The following RRP1B variants were observed in gnomAD, a reference collection of about 807,000 sequenced individuals.
RRP1B encodes the protein ribosomal RNA processing 1B, also known as ribosomal RNA processing protein 1 homolog B.
Under a neutral mutation model 80.2 loss-of-function variants are expected in RRP1B, and 56 were observed. The observed-to-expected ratio is 0.70, with a 90% CI of 0.56 to 0.87. The LOEUF (loss-of-function observed/expected upper bound fraction) is 0.87. Among genes scored for constraint, RRP1B ranks in the 40% least tolerant of loss-of-function variants. RRP1B has a pLI of 0.00. For missense variants in RRP1B, 807 were observed against 939.8 expected (o/e 0.86, Z 1.85); for synonymous variants, 351 against 357.6 (o/e 0.98, Z 0.21).
At chr21:43,667,426 T>G (rs999920177) in intron 1 of RRP1B, among the ~76,000 whole-genome samples, 3 of 152,104 alleles carry the variant, frequency 2.0e-5, no homozygotes, top group Non-Finnish European at 4.4e-5. Flanking sequence ...TGTGTGTGTG[T>G]GTGTTTAAGA....
Position 43,688,055 on chromosome 21 carries a change from C to A in RRP1B, c.1681C>A (p.His561Asn). 1.2e-5 allele frequency: 20 copies of A among 1,612,508 alleles called. No individual in the cohort carries two copies. Among genetic ancestry groups the A allele is most frequent in the Non-Finnish European group, 1.7e-5 (20 of 1,179,566 alleles). Residue 561 changes from histidine to asparagine, a missense_variant, in exon 13 of 16, where the codon CAC becomes AAC. Transcript: ENST00000340648. Reference sequence around the variant, plus strand: ...AGGCCCCGCAGAGGGGGCGAACAGCCACACCACGCTGCCCCAGCGCAGGAG... The same window carrying A: ...AGGCCCCGCAGAGGGGGCGAACAGCAACACCACGCTGCCCCAGCGCAGGAG... ...PTGPAEGANS[H>N]TTLPQRRRLQ...
rs532710277 is a variant in RRP1B at position 43,687,846 on chromosome 21, T to C, written c.1472T>C (p.Val491Ala). The change falls in exon 13 of 16, where the codon GTG becomes GCG. Residue 491 changes from valine (V) to alanine (A), a missense_variant. Transcript: ENST00000340648. ...CACAGGGAAATGTTGGAATCAGCAGTGTTGCCCCCAGAGGACATGTCTCAG... is the reference window on the plus strand; with the variant it reads ...CACAGGGAAATGTTGGAATCAGCAGCGTTGCCCCCAGAGGACATGTCTCAG... Reference protein sequence around the residue: ...RAHREMLESAVLPPEDMSQSG... With the variant: ...RAHREMLESAALPPEDMSQSG... 1.2e-6 allele frequency: 2 copies of C among 1,613,292 alleles called. No individual in the cohort carries two copies. The highest frequency in any genetic ancestry group is 1.3e-5 in the African/African-American group (1 of 75,064).
rs951069304 is a variant in RRP1B, at chr21:43,694,119, C to A, written c.*736C>A. 1 of 152,758 alleles carries A rather than the reference C, an allele frequency of 6.5e-6. No homozygotes were observed. The highest frequency in any genetic ancestry group is 1.5e-5 in the Non-Finnish European group (1 of 68,258). 9.5% of individuals were successfully genotyped at this position (152,758 alleles called of 1,614,324 possible). On this transcript the variant is annotated 3_prime_UTR_variant, in exon 16 of 16. Coordinates refer to ENST00000340648, the MANE Select transcript of RRP1B (RefSeq NM_015056.3). ...CAGCCCCCGGCTCTTACCCAGGACCCCGCCCCGTGCTGAGCCTTCTGCTGA... is the reference window on the plus strand; with the variant it reads ...CAGCCCCCGGCTCTTACCCAGGACCACGCCCCGTGCTGAGCCTTCTGCTGA...
chr21:43,684,890 G>GA (rs2083057340), intron 10 of RRP1B, among the ~76,000 whole-genome samples: 1 of 152,254 alleles, frequency 6.6e-6, no homozygotes, highest in East Asian at 1.9e-4. Context: ...GCTTTAGAAT[G>GA]ATGTGAAGTC....
rs1470455356 is a variant in RRP1B, at chr21:43,694,945, T to G, written c.*1562T>G. 1 of 152,208 alleles carries G rather than the reference T, an allele frequency of 6.6e-6. No homozygotes were observed. Among genetic ancestry groups the G allele is most frequent in the Non-Finnish European group, 1.5e-5 (1 of 68,038 alleles). 9.4% of individuals were successfully genotyped at this position (152,208 alleles called of 1,614,324 possible). A position where few individuals can be genotyped will look rare whatever the true frequency, so the allele number is the denominator to read the frequency against. On this transcript the variant is annotated 3_prime_UTR_variant, in exon 16 of 16. Transcript: ENST00000340648. ...GCAGTTGACTCACTGATGAAGGCCC[T>G]GGTGAGGAGAAAGCACTCTGTTCTT...
At chr21:43,660,330 G>A (rs2082946689) in intron 1 of RRP1B, among the ~76,000 whole-genome samples, 1 of 152,238 alleles carries the variant, frequency 6.6e-6, no homozygotes. Flanking sequence ...CTGGGAAGCC[G>A]AGGCGGGCGG....
rs776763861 is a variant in RRP1B, at chr21:43,687,590, A to C, written c.1216A>C (p.Lys406Gln). 2.4e-5 allele frequency: 37 copies of C among 1,512,978 alleles called. No individual in the cohort carries two copies. Among genetic ancestry groups the C allele is most frequent in the African/African-American group, 7.0e-5 (5 of 71,674 alleles). The allele number at this position is 1,512,978 out of a possible 1,614,324, so 93.7% of individuals were successfully genotyped here. Reference sequence around the variant, plus strand: ...AAAGAGAAGAAGGAAGAAGAAGAAGAAGCACCACCTGCAGCCTGAAAATCC... The same window carrying C: ...AAAGAGAAGAAGGAAGAAGAAGAAGCAGCACCACCTGCAGCCTGAAAATCC... Reference protein sequence around the residue: ...LQKRRRKKKKKHHLQPENPGP... With the variant: ...LQKRRRKKKKQHHLQPENPGP... The change falls in exon 13 of 16, where the codon AAG becomes CAG. Residue 406 changes from lysine (K) to glutamine (Q), a missense_variant. Coordinates refer to ENST00000340648, the MANE Select transcript of RRP1B (RefSeq NM_015056.3).
intron 8 of RRP1B, among the ~76,000 whole-genome samples, chr21:43,682,563 C>A (rs551329955): frequency 9.9e-5 from 15 of 152,218 alleles, no homozygotes; most frequent in Non-Finnish European, 1.9e-4. Context: ...AGGTCCTAAA[C>A]TGACCTGAGA....
At chr21:43,685,193 A>G (rs2083058413) in intron 10 of RRP1B, among the ~76,000 whole-genome samples, 1 of 152,064 alleles carries the variant, frequency 6.6e-6, no homozygotes, top group Non-Finnish European at 1.5e-5. Context: ...CTTTGTATAC[A>G]TTCAAGTATT....
intron 12 of RRP1B, 72 bp from the exon 13 acceptor site, chr21:43,687,444 G>A (rs992286718): frequency 5.5e-6 from 8 of 1,442,144 alleles, no homozygotes; most frequent in African/African-American, 1.4e-5. Context: ...CAGTCATACT[G>A]TCTGAGAATC....
In RRP1B at chr21:43,684,529, T is replaced by C. The variant is rs371666199; in HGVS notation, c.892-24T>C. 1.4e-5 allele frequency: 23 copies of C among 1,602,980 alleles called. No homozygotes were observed. In the African/African-American group the frequency reaches 2.1e-4, roughly 15 times the overall value. On this transcript the variant is annotated intron_variant, in intron 9 of 15. Coordinates refer to ENST00000340648, the MANE Select transcript of RRP1B (RefSeq NM_015056.3). ...GCAGTGTTGTTTGGCTGCAGACTTATGTTTAGTTTCTCTTCCTGCCTAGTT... is the reference window on the plus strand; with the variant it reads ...GCAGTGTTGTTTGGCTGCAGACTTACGTTTAGTTTCTCTTCCTGCCTAGTT...
chr21:43,667,261 C>G (rs865851567), intron 1 of RRP1B, among the ~76,000 whole-genome samples: 11 of 152,048 alleles, frequency 7.2e-5, no homozygotes, highest in Admixed American at 2.0e-4. Context: ...CAGAGTTGCT[C>G]TGTTGCCCAG....
chr21:43,674,808 C>G, intron 5 of RRP1B, 111 bp downstream of exon 5: 2 of 1,078,286 alleles, frequency 1.9e-6, no homozygotes, highest in South Asian at 2.8e-5. Context: ...TACATCGTTA[C>G]CTATAGAGAA....
intron 6 of RRP1B, among the ~76,000 whole-genome samples, chr21:43,675,458 AG>A (rs2083018040): frequency 6.6e-6 from 1 of 152,190 alleles, no homozygotes; most frequent in Non-Finnish European, 1.5e-5. Flanking sequence ...ATAAAGCGCT[AG>A]GAAAAGCTAT....
chr21:43,680,948 G>GA (rs1250999845), intron 8 of RRP1B, among the ~76,000 whole-genome samples: 3 of 151,992 alleles, frequency 2.0e-5, no homozygotes, highest in Non-Finnish European at 4.4e-5. Flanking sequence ...TATTTAATCA[G>GA]AAAAAATCAA....
chr21:43,670,425 G>A (rs558712273), intron 2 of RRP1B, among the ~76,000 whole-genome samples: 5 of 152,374 alleles, frequency 3.3e-5, no homozygotes, highest in Non-Finnish European at 5.9e-5. Context: ...GTGCGCCTGC[G>A]CAGTCACCCA....
At chr21:43,684,100 C>T (rs1359032122) in intron 9 of RRP1B, among the ~76,000 whole-genome samples, 8 of 141,134 alleles carry the variant, frequency 5.7e-5, no homozygotes, top group South Asian at 2.2e-4. Context: ...GAGACAGAGT[C>T]GCACTCTGTC....
At chr21:43,678,607 C>G (rs964594804) in intron 8 of RRP1B, among the ~76,000 whole-genome samples, 1 of 152,126 alleles carries the variant, frequency 6.6e-6, no homozygotes, top group African/African-American at 2.4e-5. Flanking sequence ...ATTTCCTTAG[C>G]CCACTTTTTG....
chr21:43,695,419 C>G lies in RRP1B; in HGVS notation c.*2036C>G, dbSNP rs2083103625. Reference sequence around the variant, plus strand: ...AATGTCCTATAAATGCACCTCCTGTCAAAACCATGCCTGAGAGGTCCCGGC... The same window carrying G: ...AATGTCCTATAAATGCACCTCCTGTGAAAACCATGCCTGAGAGGTCCCGGC... On this transcript the variant is annotated 3_prime_UTR_variant, in exon 16 of 16. Coordinates refer to ENST00000340648, the MANE Select transcript of RRP1B (RefSeq NM_015056.3). 6.6e-6 allele frequency: 1 copy of G among 152,162 alleles called. No homozygotes were observed. The highest frequency in any genetic ancestry group is 2.4e-5 in the African/African-American group (1 of 41,418). 9.4% of individuals were successfully genotyped at this position (152,162 alleles called of 1,614,324 possible).
Sources: gnomAD v4.1 joint callset for allele counts (sites outside exome capture counted in the v4.1 genomes callset) on GRCh38, gnomAD v4.1.1 for gene constraint, MANE v1.5 for transcripts, NCBI Gene and HGNC (gene_info 2026-07-23, HGNC 2026-07-21) for gene names.